The following CHRM5 variants were observed in gnomAD, a reference collection of about 807,000 sequenced individuals.
CHRM5 encodes muscarinic acetylcholine receptor M5.
CHRM5 carries 18 observed loss-of-function variants against 39.0 expected under a neutral mutation model. The observed-to-expected ratio is 0.46, with a 90% CI of 0.32 to 0.68. CHRM5 has a LOEUF of 0.68. Among genes scored for constraint, CHRM5 ranks in the 30% least tolerant of loss-of-function variants. The pLI is 0.04. For missense variants in CHRM5, 515 were observed against 651.1 expected, an observed-to-expected ratio of 0.79 and a Z score of 2.28; for synonymous variants, 241 against 246.3, an observed-to-expected ratio of 0.98 and a Z score of 0.20.
chr15:34,011,862 T>G (rs2140667357), intron 1 of CHRM5, among the ~76,000 whole-genome samples: 1 of 152,312 alleles, frequency 6.6e-6, no homozygotes, highest in South Asian at 2.1e-4. Context: ...AGTCAAGACC[T>G]TGCGAGTTCT....
rs1454555480 is a variant in CHRM5 at position 34,046,123 on chromosome 15, A to G, written c.-407-417A>G. Among the ~76,000 whole-genome samples the G allele has an allele frequency of 7.2e-5, 11 of 152,312 alleles. No individual in the cohort carries two copies. In the East Asian group the frequency reaches 1.9e-3, roughly 27 times the overall value. On this transcript the variant is annotated intron_variant, in intron 1 of 2. Transcript: ENST00000383263. ...TTCATTTGCCTCTGCAACTTTCCTCAAAAATAAGTTACCCTTTCAAAAACA... is the reference window on the plus strand; with the variant it reads ...TTCATTTGCCTCTGCAACTTTCCTCGAAAATAAGTTACCCTTTCAAAAACA...
rs778648253 is a variant in CHRM5, at chr15:34,022,074, A to G, written c.-407-24466A>G. 2.6e-5 allele frequency among the ~76,000 whole-genome samples: 4 copies of G among 152,230 alleles called. No homozygotes were observed. The East Asian group carries it at 5.8e-4, about 22-fold the overall frequency. ...GTTTGCAATAAGGACAAGTACATGC[A>G]TTATATTTAAAACCTACTCCTGCCA... On this transcript the variant is annotated intron_variant, in intron 1 of 2. Coordinates refer to ENST00000383263, the MANE Select transcript of CHRM5 (RefSeq NM_012125.4).
Position 34,064,449 on chromosome 15 carries a change from C to A in CHRM5, c.*133C>A. ...GAGTCCTTGAAGATTTTTGTAAAGGCTCAAGTTTGGTTGCCAAATGGAAGG... is the reference window on the plus strand; with the variant it reads ...GAGTCCTTGAAGATTTTTGTAAAGGATCAAGTTTGGTTGCCAAATGGAAGG... On this transcript the variant is annotated 3_prime_UTR_variant, in exon 3 of 3. Transcript: ENST00000383263. The A allele has an allele frequency of 8.6e-7, 1 of 1,163,832 alleles. No homozygotes were observed. The highest frequency in any genetic ancestry group is 1.2e-6 in the Non-Finnish European group (1 of 840,084). 72.1% of individuals were successfully genotyped at this position (1,163,832 alleles called of 1,614,324 possible).
At chr15:34,033,573 T>G (rs1307488420) in intron 1 of CHRM5, among the ~76,000 whole-genome samples, 1 of 152,044 alleles carries the variant, frequency 6.6e-6, no homozygotes, top group African/African-American at 2.4e-5. Flanking sequence ...TAATTCAATC[T>G]AAAAGAAAAA....
chr15:34,063,089 C>T lies in CHRM5; in HGVS notation c.372C>T (p.Ile124=). The change falls in exon 3 of 3, where the codon ATC becomes ATT. Residue 124 remains isoleucine (I), a synonymous_variant. Transcript: ENST00000383263. This position sits in a 1 kb window ranked among gnomAD's most constrained non-coding sequence, Gnocchi z 4.1. ...CTTCTGTCATGAACCTTCTGGTGAT[C>T]AGTTTTGACCGTTACTTTTCCATCA... is the stretch of plus-strand genomic sequence containing the variant. The part of the protein sequence containing the change: ...SNASVMNLLV[I]SFDRYFSITR... The T allele has an allele frequency of 2.5e-6, 4 of 1,614,168 alleles. No homozygotes were observed. Among genetic ancestry groups the T allele is most frequent in the Non-Finnish European group, 8.5e-7 (1 of 1,180,034 alleles).
intron 1 of CHRM5, chr15:34,038,926 C>CGCCGCCGCCTCTGGCT (rs1442055644): frequency 4.3e-6 from 4 of 929,050 alleles, no homozygotes; most frequent in Non-Finnish European, 4.0e-6. Context: ...CCGCCGCCTC[C>CGCCGCCGCCTCTGGCT]GCCGCCGCCT....
At chr15:34,047,406 C>G (rs899824618) in intron 2 of CHRM5, among the ~76,000 whole-genome samples, 6 of 152,130 alleles carry the variant, frequency 3.9e-5, no homozygotes, top group African/African-American at 1.4e-4. Context: ...TACTCCAACG[C>G]TGGGATCCCT....
At chr15:33,999,621 G>GCT (rs1897063055) in intron 1 of CHRM5, among the ~76,000 whole-genome samples, 1 of 152,072 alleles carries the variant, frequency 6.6e-6, no homozygotes, top group Non-Finnish European at 1.5e-5. Context: ...ATTTGCAAGT[G>GCT]CTCTCTGCTC....
intron 2 of CHRM5, among the ~76,000 whole-genome samples, chr15:34,050,163 C>T (rs1210671944): frequency 1.3e-5 from 2 of 152,158 alleles, no homozygotes; most frequent in African/African-American, 4.8e-5. Flanking sequence ...GCTGGGATTA[C>T]AGGCGTGAGC....
chr15:34,064,282 A>C lies in CHRM5; in HGVS notation c.1565A>C (p.Lys522Thr). The stretch of plus-strand genomic sequence containing the variant: ...TGGAAAAAGAAAAAAGTGGAAGAGA[A>C]GTTGTACTGGCAGGGGAACAGCAAG... ...CRWKKKKVEE[K>T]LYWQGNSKLP is the part of the protein sequence containing the mutation. Residue 522 changes from lysine to threonine, a missense_variant, in exon 3 of 3, where the codon AAG (lysine) becomes ACG (threonine). Physicochemically the swap from Lys to Thr is moderately conservative, Grantham distance 78. Transcript: ENST00000383263. 1 of 1,614,014 alleles carries C rather than the reference A, an allele frequency of 6.2e-7. No individual in the cohort carries two copies. Among genetic ancestry groups the C allele is most frequent in the Non-Finnish European group, 8.5e-7 (1 of 1,179,958 alleles).
intron 2 of CHRM5, among the ~76,000 whole-genome samples, chr15:34,048,498 G>T (rs535603425): frequency 1.4e-4 from 21 of 151,862 alleles, no homozygotes; most frequent in Non-Finnish European, 2.6e-4. Flanking sequence ...GGACCTCCAT[G>T]TGGGGGTTTC....
chr15:34,023,313 T>A (rs1167033184), intron 1 of CHRM5, among the ~76,000 whole-genome samples: 1 of 152,242 alleles, frequency 6.6e-6, no homozygotes, highest in African/African-American at 2.4e-5. Context: ...ATCTGCCCAC[T>A]GAGTTTGGTT....
intron 1 of CHRM5, among the ~76,000 whole-genome samples, chr15:34,040,736 G>A (rs886989197): frequency 1.3e-5 from 2 of 151,972 alleles, no homozygotes; most frequent in African/African-American, 2.4e-5. Context: ...AGATCAGCCT[G>A]GGCAACATGG....
intron 1 of CHRM5, among the ~76,000 whole-genome samples, chr15:34,002,425 C>T (rs1037715524): frequency 5.3e-5 from 8 of 151,658 alleles, no homozygotes; most frequent in Non-Finnish European, 1.0e-4. Context: ...CATCTGTACA[C>T]CCAGCACTCC....
intron 1 of CHRM5, among the ~76,000 whole-genome samples, chr15:34,007,348 C>T (rs973903653): frequency 6.6e-6 from 1 of 152,064 alleles, no homozygotes; most frequent in African/African-American, 2.4e-5. Flanking sequence ...ATGATAACTC[C>T]ATGTCATTCT....
At chr15:33,985,882 A>G (rs1166523543) in intron 1 of CHRM5, among the ~76,000 whole-genome samples, 1 of 152,152 alleles carries the variant, frequency 6.6e-6, no homozygotes, top group Non-Finnish European at 1.5e-5. Flanking sequence ...ACTATCTCTA[A>G]GGATTCTTCT....
chr15:33,996,812 G>A (rs1896955240), intron 1 of CHRM5, among the ~76,000 whole-genome samples: 2 of 152,186 alleles, frequency 1.3e-5, no homozygotes, highest in African/African-American at 2.4e-5. Context: ...CCAAAGGAAC[G>A]CAGCTCCTCG....
chr15:33,974,801 C>T (rs1389953782), intron 1 of CHRM5, among the ~76,000 whole-genome samples: 2 of 152,080 alleles, frequency 1.3e-5, no homozygotes, highest in Admixed American at 6.5e-5. Flanking sequence ...GTTGAAACCC[C>T]GTTTCTAATA....
At chr15:34,026,198 TAA>T (rs1436815148) in intron 1 of CHRM5, among the ~76,000 whole-genome samples, 1 of 152,178 alleles carries the variant, frequency 6.6e-6, no homozygotes, top group Non-Finnish European at 1.5e-5. Flanking sequence ...TTTTTTTACT[TAA>T]AAGTCTTATG....
Sources: gnomAD v4.1 joint callset for allele counts (sites outside exome capture counted in the v4.1 genomes callset) on GRCh38, gnomAD v4.1.1 for gene constraint, Gnocchi (gnomAD v3.1) non-coding constraint, MANE v1.5 for transcripts, NCBI Gene and HGNC (gene_info 2026-07-23, HGNC 2026-07-21) for gene names.